The following SNX31 variants were observed in gnomAD, a reference collection of about 807,000 sequenced individuals.
SNX31 encodes the protein sorting nexin 31.
A neutral mutation model predicts 65.4 loss-of-function variants in SNX31; 58 were observed. That is an observed-to-expected ratio of 0.89 (90% CI 0.72 to 1.10). The LOEUF (loss-of-function observed/expected upper bound fraction) is 1.10, where lower values mean the gene tolerates loss of function less well. SNX31 is among the 50% of genes least tolerant of loss of function. The pLI, the probability that SNX31 is intolerant of heterozygous loss-of-function variation, is 0.00. For missense variants in SNX31, 523 were observed against 529.7 expected (o/e 0.99, Z 0.12); for synonymous variants, 181 against 190.1 (o/e 0.95, Z 0.39).
chr8:100,608,628 C>A, intron 7 of SNX31, 65 bp from the exon 8 acceptor site: 1 of 1,528,312 alleles, frequency 6.5e-7, no homozygotes, highest in Non-Finnish European at 9.0e-7. Context: ...CTGGCAAGTG[C>A]TTTGGAAAGT....
Position 100,638,933 on chromosome 8 carries a change from C to T in SNX31, c.142-2922G>A, listed in dbSNP as rs147409490. 6.5e-3 allele frequency among the ~76,000 whole-genome samples: 995 copies of T among 152,100 alleles called. 15 individuals carry two copies. The highest frequency in any genetic ancestry group is 0.01 in the Middle Eastern group (3 of 294). ...AGAAACGTAAATAAATATTGCTAAG[C>T]GACAGGAGTCAGTCTGGAAAAGCTA... On this transcript the variant is annotated intron_variant, in intron 2 of 13. Coordinates refer to ENST00000311812, the MANE Select transcript of SNX31 (RefSeq NM_152628.4).
At chr8:100,640,140 T>C (rs13253052) in intron 2 of SNX31, among the ~76,000 whole-genome samples, 23,778 of 151,926 alleles carry the variant, frequency 0.16, 2,327 homozygotes, top group East Asian at 0.25. Flanking sequence ...CTTTTCTTTT[T>C]TTTGGAGACA....
In SNX31 at chr8:100,610,089, C is replaced by T. The variant is rs75568860; in HGVS notation, c.612-1526G>A. Among the ~76,000 whole-genome samples, 1,564 of 152,338 alleles carry T rather than the reference C, an allele frequency of 0.01. 8 individuals are homozygous for T. Among genetic ancestry groups the T allele is most frequent in the Non-Finnish European group, 0.016 (1,120 of 68,030 alleles). ...TATGCCAGAATCTCCCCTCCAGAGA[C>T]CTGATCCTCAGCTCTGACAATAGAA... On this transcript the variant is annotated intron_variant, in intron 7 of 13. Coordinates refer to ENST00000311812, the MANE Select transcript of SNX31 (RefSeq NM_152628.4). This position sits in a 1 kb window ranked among gnomAD's most constrained non-coding sequence, Gnocchi z 4.0.
rs1818276982 is a variant in SNX31, at chr8:100,629,461, G to T, written c.321+866C>A. ...AGAAGGCTCTAGGGCCATTTCTCAG[G>T]TTGACTGGGCCAGTAAATATTCCAA... On this transcript the variant is annotated intron_variant, in intron 4 of 13. Transcript: ENST00000311812. This position sits in a 1 kb window ranked among gnomAD's most constrained non-coding sequence, Gnocchi z 5.1. Among the ~76,000 whole-genome samples, 1 of 152,152 alleles carries T rather than the reference G, an allele frequency of 6.6e-6. No homozygotes were observed. The highest frequency in any genetic ancestry group is 6.5e-5 in the Admixed American group (1 of 15,268).
chr8:100,584,213 T>A (rs751908080), intron 11 of SNX31, 25 bp from the exon 12 acceptor site: 1 of 1,566,012 alleles, frequency 6.4e-7, no homozygotes, highest in South Asian at 1.2e-5. Context: ...AATAAAGAAC[T>A]CTTGTAACCG....
chr8:100,662,846 T>C (rs553507631), intron 1 of SNX31, among the ~76,000 whole-genome samples: 5 of 152,332 alleles, frequency 3.3e-5, no homozygotes, highest in African/African-American at 9.6e-5. Flanking sequence ...TAGAAATATT[T>C]GTTCCCAAAA....
upstream of SNX31, among the ~76,000 whole-genome samples, chr8:100,653,656 C>T (rs1820010900): frequency 2.0e-5 from 3 of 152,214 alleles, no homozygotes; most frequent in Admixed American, 1.3e-4. Flanking sequence ...CTTCCAGCCT[C>T]CAGAACTATG....
rs562729479 is a variant in SNX31 at position 100,648,275 on chromosome 8, C to G, written c.141+999G>C. On this transcript the variant is annotated intron_variant, in intron 2 of 13. Coordinates refer to ENST00000311812, the MANE Select transcript of SNX31 (RefSeq NM_152628.4). This position sits in a 1 kb window ranked among gnomAD's most constrained non-coding sequence, Gnocchi z 4.3. The stretch of plus-strand genomic sequence containing the variant: ...AACTCTCTCAAAACAAGCAAACAAA[C>G]AAAAACAGCTGTTACCTCTGGGAAA... Among the ~76,000 whole-genome samples the G allele has an allele frequency of 6.7e-6, 1 of 150,256 alleles. No homozygotes were observed. The highest frequency in any genetic ancestry group is 1.9e-4 in the East Asian group (1 of 5,152).
chr8:100,658,043 C>T (rs567968616), intron 1 of SNX31, among the ~76,000 whole-genome samples: 1 of 152,276 alleles, frequency 6.6e-6, no homozygotes, highest in South Asian at 2.1e-4. Context: ...CCATGGGAAT[C>T]ATCTGGGAAG....
chr8:100,578,684 T>TTTTTA lies in SNX31; in HGVS notation c.1171-1614_1171-1610dup, dbSNP rs138548509. On this transcript the variant is annotated intron_variant, in intron 12 of 13. Coordinates refer to ENST00000311812, the MANE Select transcript of SNX31 (RefSeq NM_152628.4). The surrounding 1 kb of genome is among the most constrained non-coding windows in gnomAD (Gnocchi z 4.7). ...ACATATTTAAGCCTATTTCAATGATTTTTTATTTTATTTTATTTTATTTTA... is the reference window on the plus strand; with the variant it reads ...ACATATTTAAGCCTATTTCAATGATTTTTTATTTTATTTTATTTTATTTTATTTTA... Among the ~76,000 whole-genome samples the TTTTTA allele has an allele frequency of 0.097, 14,139 of 145,410 alleles. 841 individuals are homozygous for TTTTTA. The highest frequency in any genetic ancestry group is 0.15 in the African/African-American group (5,838 of 38,774).
chr8:100,641,559 AAAAAAAATATATATAT>A (rs1819186011), intron 2 of SNX31, among the ~76,000 whole-genome samples: 1 of 31,312 alleles, frequency 3.2e-5, no homozygotes, highest in Non-Finnish European at 5.3e-5. Context: ...AAAAAAAAAA[AAAAAAAATATATATAT>A]ATATATATAT....
chr8:100,599,293 C>T (rs1195161403), intron 9 of SNX31, among the ~76,000 whole-genome samples: 1 of 152,054 alleles, frequency 6.6e-6, no homozygotes, highest in Non-Finnish European at 1.5e-5. Flanking sequence ...GAACAATAGT[C>T]TTACTAAATT....
chr8:100,652,873 G>T (rs1334896114), upstream of SNX31, among the ~76,000 whole-genome samples: 1 of 152,116 alleles, frequency 6.6e-6, no homozygotes, highest in Non-Finnish European at 1.5e-5. Context: ...GTGCATTATG[G>T]GTTCCTTTGC....
intron 2 of SNX31, among the ~76,000 whole-genome samples, chr8:100,647,008 C>A (rs942050410): frequency 3.9e-5 from 6 of 152,158 alleles, no homozygotes; most frequent in Non-Finnish European, 8.8e-5. Context: ...AATGCTAGCT[C>A]ATAAGGCTAT....
Position 100,588,441 on chromosome 8 carries a change from A to G in SNX31, c.1092+425T>C, listed in dbSNP as rs557474145. Among the ~76,000 whole-genome samples the G allele has an allele frequency of 3.0e-4, 45 of 152,210 alleles. No homozygotes were observed. Among genetic ancestry groups the G allele is most frequent in the Non-Finnish European group, 5.9e-4 (40 of 68,034 alleles). On this transcript the variant is annotated intron_variant, in intron 11 of 13. Transcript: ENST00000311812. This position sits in a 1 kb window ranked among gnomAD's most constrained non-coding sequence, Gnocchi z 4.8. Reference sequence around the variant, plus strand: ...GTCAGGGGTTGGCAAACAAGGCCAGACCACCATCTGTTTCTATAAATAAAG... The same window carrying G: ...GTCAGGGGTTGGCAAACAAGGCCAGGCCACCATCTGTTTCTATAAATAAAG...
At position 100,623,340 on chromosome 8, in the gene SNX31, C is replaced by T. The variant is rs142391905; in HGVS notation, c.322-5610G>A. 2.2e-4 allele frequency among the ~76,000 whole-genome samples: 33 copies of T among 152,300 alleles called. 1 individual carries two copies. The East Asian group carries it at 6.4e-3, about 29-fold the overall frequency. ...CCATTCATGAGAAACCTCCCATGAT[C>T]CAATCACCTCCCGCCAGGCTCCACC... On this transcript the variant is annotated intron_variant, in intron 4 of 13. Transcript: ENST00000311812.
chr8:100,640,426 A>T (rs892845492), intron 2 of SNX31, among the ~76,000 whole-genome samples: 1 of 152,124 alleles, frequency 6.6e-6, no homozygotes, highest in Non-Finnish European at 1.5e-5. Context: ...ACGCCCAGCC[A>T]TATCAGATAA....
intron 11 of SNX31, among the ~76,000 whole-genome samples, chr8:100,586,876 TC>T (rs1201289767): frequency 6.6e-6 from 1 of 152,230 alleles, no homozygotes; most frequent in Non-Finnish European, 1.5e-5. Flanking sequence ...TGATTCCATT[TC>T]AGAACACCTA....
At chr8:100,601,380 C>T (rs562026678) in intron 8 of SNX31, among the ~76,000 whole-genome samples, 2 of 152,146 alleles carry the variant, frequency 1.3e-5, no homozygotes, top group South Asian at 4.2e-4. Context: ...AAGTAAGAGT[C>T]TAGTAGTAGA....
Sources: allele counts gnomAD v4.1 joint callset (sites outside exome capture counted in the v4.1 genomes callset), GRCh38; gene constraint gnomAD v4.1.1; non-coding constraint Gnocchi (gnomAD v3.1); transcripts MANE v1.5; gene names NCBI Gene and HGNC (gene_info 2026-07-23, HGNC 2026-07-21).